RBFOX1: variants seen among roughly 807,000 people sequenced by gnomAD.
RBFOX1 encodes the protein RNA binding protein fox-1 homolog 1.
Under a neutral mutation model 57.7 loss-of-function variants are expected in RBFOX1, and 8 were observed. The observed-to-expected ratio is 0.14, with a 90% CI of 0.08 to 0.25. The LOEUF is 0.25. Ranked by LOEUF, RBFOX1 falls within the 10% of genes least tolerant of loss-of-function variation. The pLI is 1.00. For synonymous variants in RBFOX1, 326 were observed against 222.4 expected (o/e 1.47, Z -4.15); for missense variants, 611 against 548.5 (o/e 1.11, Z -1.14).
chr16:6,256,214 T>TATATGTGC (rs2097663785), intron 1 of RBFOX1, among the ~76,000 whole-genome samples: 1 of 44,686 alleles, frequency 2.2e-5, no homozygotes, highest in African/African-American at 6.0e-5. Context: ...TATATGTGTA[T>TATATGTGC]ATATATGTAT....
chr16:7,456,608 G>A (rs529852120), intron 4 of RBFOX1, among the ~76,000 whole-genome samples: 4 of 152,182 alleles, frequency 2.6e-5, no homozygotes, highest in East Asian at 3.9e-4. Context: ...AGGCAAGGGG[G>A]TATTGTGGTT....
At chr16:7,049,609 C>A (rs940605472) in intron 3 of RBFOX1, among the ~76,000 whole-genome samples, 7 of 152,076 alleles carry the variant, frequency 4.6e-5, no homozygotes, top group Non-Finnish European at 8.8e-5. Context: ...TACCTTGCAC[C>A]CACACTAAGG....
chr16:6,194,917 G>C lies in RBFOX1; in HGVS notation c.-126-122078G>C, dbSNP rs533618465. Among the ~76,000 whole-genome samples, 27 of 152,306 alleles carry C rather than the reference G, an allele frequency of 1.8e-4. 2 individuals are homozygous for C. Among genetic ancestry groups the C allele is most frequent in the Middle Eastern group, 3.4e-3 (1 of 294 alleles). On this transcript the variant is annotated intron_variant, in intron 1 of 15. Coordinates refer to ENST00000550418, the MANE Select transcript of RBFOX1 (RefSeq NM_018723.4). The stretch of plus-strand genomic sequence containing the variant: ...GACTACTAGAATGAATGAGTGAGTA[G>C]ATATGAATAGTTTTCAAGATTTTTA...
chr16:6,270,355 T>C (rs1163526846), intron 1 of RBFOX1, among the ~76,000 whole-genome samples: 1 of 150,900 alleles, frequency 6.6e-6, no homozygotes, highest in Non-Finnish European at 1.5e-5. Flanking sequence ...AATTTAATAG[T>C]ATAGGTAGAC....
chr16:6,981,928 G>C (rs1381969169), intron 3 of RBFOX1, among the ~76,000 whole-genome samples: 2 of 152,146 alleles, frequency 1.3e-5, no homozygotes, highest in African/African-American at 2.4e-5. Flanking sequence ...ACGCATGCAT[G>C]GGTCTTTGTA....
chr16:5,568,591 C>T (rs1001112912), intron 2 of RBFOX1, among the ~76,000 whole-genome samples: 1 of 152,128 alleles, frequency 6.6e-6, no homozygotes, highest in African/African-American at 2.4e-5. Context: ...TGACACTCAT[C>T]ACTCTGTCTT....
intron 4 of RBFOX1, among the ~76,000 whole-genome samples, chr16:7,475,105 C>G (rs549190883): frequency 6.6e-6 from 1 of 152,190 alleles, no homozygotes; most frequent in African/African-American, 2.4e-5. Flanking sequence ...CAGATGGGTG[C>G]CTCTTTCATG....
intron 3 of RBFOX1, among the ~76,000 whole-genome samples, chr16:5,623,567 G>A (rs564402063): frequency 6.6e-6 from 1 of 152,234 alleles, no homozygotes; most frequent in Admixed American, 6.5e-5. Context: ...GGACCACATG[G>A]TCCCAACTGC....
intron 4 of RBFOX1, among the ~76,000 whole-genome samples, chr16:7,159,602 T>C (rs769296615): frequency 3.9e-4 from 60 of 152,168 alleles, no homozygotes; most frequent in Non-Finnish European, 1.2e-4. Context: ...TCTACTCCGC[T>C]ATAGCTTCAG....
In RBFOX1 at chr16:6,071,197, T is replaced by G. The variant is rs145089750; in HGVS notation, c.-127+51205T>G. On this transcript the variant is annotated intron_variant, in intron 1 of 15. Transcript: ENST00000550418. ...ATTAGCGGGACGTGTGGCACATGCC[T>G]GTAGGACCAGCTGCTTGGGAGGCTG... Among the ~76,000 whole-genome samples, 106 of 152,232 alleles carry G rather than the reference T, an allele frequency of 7.0e-4. No individual in the cohort carries two copies. In the East Asian group the frequency reaches 0.017, roughly 25 times the overall value.
intron 1 of RBFOX1, among the ~76,000 whole-genome samples, chr16:6,066,320 A>AAAAAAAAAAAAAAAT (rs1555494616): frequency 7.6e-6 from 1 of 131,668 alleles, no homozygotes; most frequent in Non-Finnish European, 1.6e-5. Flanking sequence ...AAAAAAAAAA[A>AAAAAAAAAAAAAAAT]GGCATAATTC....
chr16:7,399,236 T>C (rs886566653), intron 4 of RBFOX1, among the ~76,000 whole-genome samples: 1 of 152,180 alleles, frequency 6.6e-6, no homozygotes, highest in African/African-American at 2.4e-5. Context: ...TTACCTGAGG[T>C]CAGTAGTTTG....
chr16:6,821,672 T>A (rs1169976060), intron 3 of RBFOX1, among the ~76,000 whole-genome samples: 1 of 151,934 alleles, frequency 6.6e-6, no homozygotes, highest in African/African-American at 2.4e-5. Context: ...TCTTTCAGCA[T>A]AATGTTTGCA....
chr16:5,674,044 A>G (rs2050094556), intron 3 of RBFOX1, among the ~76,000 whole-genome samples: 1 of 152,204 alleles, frequency 6.6e-6, no homozygotes, highest in African/African-American at 2.4e-5. Context: ...CCATGTTGCC[A>G]TTGAATCATT....
At chr16:6,825,154 C>A (rs1022354373) in intron 3 of RBFOX1, among the ~76,000 whole-genome samples, 2 of 150,868 alleles carry the variant, frequency 1.3e-5, no homozygotes, top group African/African-American at 4.9e-5. Flanking sequence ...CACTCAGCAC[C>A]CTTGGCGTTG....
intron 3 of RBFOX1, among the ~76,000 whole-genome samples, chr16:6,965,967 C>T (rs1268478183): frequency 6.6e-6 from 1 of 152,096 alleles, no homozygotes; most frequent in Non-Finnish European, 1.5e-5. Context: ...AATGGATTCA[C>T]TTAGGGCTTT....
intron 2 of RBFOX1, among the ~76,000 whole-genome samples, chr16:6,642,855 C>T (rs1412045184): frequency 6.6e-6 from 1 of 152,128 alleles, no homozygotes; most frequent in Non-Finnish European, 1.5e-5. Flanking sequence ...CAGCTCTGCC[C>T]TGCAACCTAC....
At chr16:6,757,625 G>C (rs1008015313) in intron 3 of RBFOX1, among the ~76,000 whole-genome samples, 1 of 152,220 alleles carries the variant, frequency 6.6e-6, no homozygotes, top group Middle Eastern at 3.4e-3. Flanking sequence ...AGAGTAGAAT[G>C]GTGGTTACCA....
chr16:5,871,611 C>T (rs150511763), intron 4 of RBFOX1, among the ~76,000 whole-genome samples: 1 of 152,252 alleles, frequency 6.6e-6, no homozygotes, highest in African/African-American at 2.4e-5. Context: ...ATTGCAAATG[C>T]GTATGTCTGA....
Sources: gnomAD v4.1 joint callset for allele counts (sites outside exome capture counted in the v4.1 genomes callset) on GRCh38, gnomAD v4.1.1 for gene constraint, MANE v1.5 for transcripts, NCBI Gene and HGNC (gene_info 2026-07-23, HGNC 2026-07-21) for gene names.